Variants in OTOGL observed in about 807,000 individuals in gnomAD.
OTOGL encodes the protein otogelin-like protein.
Under a neutral mutation model 318.5 loss-of-function variants are expected in OTOGL, and 285 were observed. The ratio of observed to expected loss-of-function variants is 0.89; its 90% CI spans 0.81 to 0.99. The LOEUF (loss-of-function observed/expected upper bound fraction) is 0.99. Among genes scored for constraint, OTOGL ranks in the 50% least tolerant of loss-of-function variants. OTOGL has a pLI of 0.00. For synonymous variants in OTOGL, 987 were observed against 936.5 expected (o/e 1.05, Z -0.99); for missense variants, 2,899 against 2,845.6 (o/e 1.02, Z -0.43).
chr12:80,134,129 T>C (rs546693197), intron 1 of OTOGL, among the ~76,000 whole-genome samples: 1 of 152,332 alleles, frequency 6.6e-6, no homozygotes, highest in African/African-American at 2.4e-5. Context: ...ATTTAGACTA[T>C]TGCTAGACAG....
intron 44 of OTOGL, among the ~76,000 whole-genome samples, chr12:80,347,318 T>C (rs1889260361): frequency 6.9e-6 from 1 of 145,912 alleles, no homozygotes; most frequent in African/African-American, 2.5e-5. Flanking sequence ...CCCCGACGGG[T>C]TGTATGATGT....
At chr12:80,214,620 C>G (rs947259637) in intron 4 of OTOGL, among the ~76,000 whole-genome samples, 1 of 151,960 alleles carries the variant, frequency 6.6e-6, no homozygotes, top group Non-Finnish European at 1.5e-5. Context: ...CTCTAAACAC[C>G]CTTGGGAGAC....
At position 80,267,313 on chromosome 12, in the gene OTOGL, A is replaced by G. The variant is rs1482827521; in HGVS notation, c.2451A>G (p.Thr817=). 6.5e-7 allele frequency: 1 copy of G among 1,529,402 alleles called. No homozygotes were observed. The highest frequency in any genetic ancestry group is 8.9e-7 in the Non-Finnish European group (1 of 1,117,704). The allele number at this position is 1,529,402 out of a possible 1,614,324, so 94.7% of individuals were successfully genotyped here. ...ATCAACCTGGAGAGCTCATCCCCAC[A>G]CCCTCGGGCTTATGGTAGGTTTCAA... ...SVYQPGELIP[T]PSGLCQCSNG... The change falls in exon 22 of 59, where the codon ACA becomes ACG. Residue 817 remains threonine (T), a synonymous_variant. Coordinates refer to ENST00000547103, the MANE Select transcript of OTOGL (RefSeq NM_001378609.3).
At chr12:80,175,326 T>C (rs1235980442) in intron 1 of OTOGL, among the ~76,000 whole-genome samples, 1 of 152,146 alleles carries the variant, frequency 6.6e-6, no homozygotes, top group African/African-American at 2.4e-5. Context: ...GAACACACAT[T>C]GAAAATAATA....
At chr12:80,168,458 G>T (rs1873973844) in intron 1 of OTOGL, among the ~76,000 whole-genome samples, 1 of 152,078 alleles carries the variant, frequency 6.6e-6, no homozygotes, top group African/African-American at 2.4e-5. Context: ...GGGGATCACA[G>T]AATAACCATA....
chr12:80,234,630 C>T (rs1358311996), intron 9 of OTOGL, among the ~76,000 whole-genome samples: 1 of 152,190 alleles, frequency 6.6e-6, no homozygotes, highest in Non-Finnish European at 1.5e-5. Flanking sequence ...ATACTCAATA[C>T]ATTTAATTTA....
chr12:80,342,169 T>G lies in OTOGL; in HGVS notation c.5265+7T>G. On this transcript the variant is annotated splice_region_variant and intron_variant, in intron 44 of 58. Transcript: ENST00000547103. Reference sequence around the variant, plus strand: ...CATTCCATGTCATGATAAAGTAAGTTGGAAGCAACCATAAATAATACTTTC... The same window carrying G: ...CATTCCATGTCATGATAAAGTAAGTGGGAAGCAACCATAAATAATACTTTC... 1 of 1,539,124 alleles carries G rather than the reference T, an allele frequency of 6.5e-7. No homozygotes were observed. Among genetic ancestry groups the G allele is most frequent in the Non-Finnish European group, 8.8e-7 (1 of 1,130,790 alleles).
Position 80,193,535 on chromosome 12 carries a change from T to C in OTOGL, c.-19-15878T>C, listed in dbSNP as rs555109091. Among the ~76,000 whole-genome samples, 185 of 152,140 alleles carry C rather than the reference T, an allele frequency of 1.2e-3. 1 individual carries two copies. In the South Asian group the frequency reaches 0.021, roughly 17 times the overall value. ...CATCTAAAAGTAATAATAATAATAA[T>C]AATAATAAGGTTAGCATATATTATT... On this transcript the variant is annotated intron_variant, in intron 1 of 58. Coordinates refer to ENST00000547103, the MANE Select transcript of OTOGL (RefSeq NM_001378609.3).
chr12:80,356,313 C>T lies in OTOGL; in HGVS notation c.5807-103C>T, dbSNP rs540577231. 2.7e-4 allele frequency: 227 copies of T among 838,984 alleles called. 1 individual carries two copies. Among genetic ancestry groups the T allele is most frequent in the South Asian group, 2.1e-3 (115 of 55,854 alleles). 52.0% of individuals were successfully genotyped at this position (838,984 alleles called of 1,614,324 possible). A position where few individuals can be genotyped will look rare whatever the true frequency, so the allele number is the denominator to read the frequency against. On this transcript the variant is annotated intron_variant, in intron 47 of 58. Coordinates refer to ENST00000547103, the MANE Select transcript of OTOGL (RefSeq NM_001378609.3). ...AACATGCATAATGAGAGTCATTTCCCGTCTTTGAGTTTCCTGTCTTGAGTT... is the reference window on the plus strand; with the variant it reads ...AACATGCATAATGAGAGTCATTTCCTGTCTTTGAGTTTCCTGTCTTGAGTT...
chr12:80,307,832 T>C (rs1645001307), intron 29 of OTOGL, among the ~76,000 whole-genome samples: 2 of 123,592 alleles, frequency 1.6e-5, no homozygotes, highest in Admixed American at 7.9e-5. Flanking sequence ...GAGGCACCCC[T>C]CACCTCCCGG....
In OTOGL at chr12:80,220,897, C is replaced by T. The variant is rs553736436; in HGVS notation, c.334+985C>T. ...AAAAATGAAGCAGAGGTGGGGCATA[C>T]TGTCAGGGAAGACTGCCTGAATAAT... On this transcript the variant is annotated intron_variant, in intron 6 of 58. Coordinates refer to ENST00000547103, the MANE Select transcript of OTOGL (RefSeq NM_001378609.3). Among the ~76,000 whole-genome samples, 3 of 152,234 alleles carry T rather than the reference C, an allele frequency of 2.0e-5. No homozygotes were observed. The East Asian group carries it at 5.8e-4, about 29-fold the overall frequency.
At chr12:80,208,451 A>G (rs1273371213) in intron 1 of OTOGL, among the ~76,000 whole-genome samples, 1 of 152,224 alleles carries the variant, frequency 6.6e-6, no homozygotes, top group African/African-American at 2.4e-5. Context: ...ACTACTGCAC[A>G]CTGGTCTGTT....
intron 44 of OTOGL, among the ~76,000 whole-genome samples, chr12:80,351,631 A>G (rs1889558856): frequency 6.6e-6 from 1 of 152,180 alleles, no homozygotes; most frequent in Non-Finnish European, 1.5e-5. Context: ...CTATGAAAAA[A>G]TACTATTTTT....
chr12:80,271,597 C>T (rs1883409391), intron 23 of OTOGL, 51 bp from the exon 24 acceptor site: 2 of 1,551,664 alleles, frequency 1.3e-6, no homozygotes, highest in East Asian at 2.3e-5. Flanking sequence ...TTCATATCTC[C>T]CATGCCATGA....
chr12:80,269,652 T>G (rs1364120350), intron 22 of OTOGL, among the ~76,000 whole-genome samples: 1 of 152,192 alleles, frequency 6.6e-6, no homozygotes, highest in Non-Finnish European at 1.5e-5. Flanking sequence ...TGCCATAACC[T>G]CCATCCACTC....
chr12:80,332,781 A>G (rs1274636026), intron 37 of OTOGL, among the ~76,000 whole-genome samples: 2 of 152,204 alleles, frequency 1.3e-5, no homozygotes, highest in Non-Finnish European at 1.5e-5. Flanking sequence ...TTCATTTCCA[A>G]GTTCAAATTC....
chr12:80,307,686 G>A (rs192929004), intron 29 of OTOGL, among the ~76,000 whole-genome samples: 6,355 of 142,718 alleles, frequency 0.045, 217 homozygotes, highest in Middle Eastern at 0.072. Flanking sequence ...CAGTAGGGGC[G>A]GCCAGGCAGA....
intron 37 of OTOGL, among the ~76,000 whole-genome samples, chr12:80,332,554 A>G (rs539927181): frequency 3.9e-5 from 6 of 152,184 alleles, no homozygotes; most frequent in African/African-American, 7.2e-5. Context: ...ATCAACATTT[A>G]TTCTGCTCAC....
chr12:80,106,867 C>CT lies in OTOGL; in HGVS notation c.-20+7272dup, dbSNP rs879605502. On this transcript the variant is annotated intron_variant, in intron 1 of 58. Coordinates refer to ENST00000547103, the MANE Select transcript of OTOGL (RefSeq NM_001378609.3). ...ATATTTATTAGTACTATGTTTTTTTCTTTTTTTTTTAAATTAGTACTATGT... is the reference window on the plus strand; with the variant it reads ...ATATTTATTAGTACTATGTTTTTTTCTTTTTTTTTTTAAATTAGTACTATGT... Among the ~76,000 whole-genome samples, 292 of 146,580 alleles carry CT rather than the reference C, an allele frequency of 2.0e-3. 1 individual carries two copies. Among genetic ancestry groups the CT allele is most frequent in the African/African-American group, 5.3e-3 (213 of 40,156 alleles).
Sources: gnomAD v4.1 joint callset for allele counts (sites outside exome capture counted in the v4.1 genomes callset) on GRCh38, gnomAD v4.1.1 for gene constraint, MANE v1.5 for transcripts, NCBI Gene and HGNC (gene_info 2026-07-23, HGNC 2026-07-21) for gene names.